L3MBTL4: variants seen among roughly 807,000 people sequenced by gnomAD.
L3MBTL4 encodes lethal(3)malignant brain tumor-like protein 4.
A neutral mutation model predicts 84.5 loss-of-function variants in L3MBTL4; 70 were observed. The ratio of observed to expected loss-of-function variants is 0.83; its 90% CI spans 0.68 to 1.01. L3MBTL4 has a LOEUF of 1.01. L3MBTL4 is among the 50% of genes least tolerant of loss of function. The pLI is 0.00. For synonymous variants in L3MBTL4, 274 were observed against 259.8 expected (o/e 1.05, Z -0.52); for missense variants, 715 against 754.8 (o/e 0.95, Z 0.62).
intron 13 of L3MBTL4, among the ~76,000 whole-genome samples, chr18:6,166,970 C>T (rs1321988320): frequency 1.3e-4 from 19 of 151,938 alleles, no homozygotes; most frequent in South Asian, 6.2e-4. Context: ...ATCAAATAGA[C>T]GCAATAAAAA....
chr18:6,390,445 C>G (rs1169180007), intron 1 of L3MBTL4, among the ~76,000 whole-genome samples: 1 of 151,780 alleles, frequency 6.6e-6, no homozygotes, highest in Non-Finnish European at 1.5e-5. Context: ...AAACTAAACT[C>G]AAAGCTAGCA....
chr18:6,324,150 T>G (rs2051585424), intron 1 of L3MBTL4, among the ~76,000 whole-genome samples: 1 of 152,322 alleles, frequency 6.6e-6, no homozygotes, highest in South Asian at 2.1e-4. Flanking sequence ...GTGCACAGAA[T>G]TGAGGCTCAG....
At chr18:6,152,819 T>G (rs1044460429) in intron 13 of L3MBTL4, among the ~76,000 whole-genome samples, 1 of 152,176 alleles carries the variant, frequency 6.6e-6, no homozygotes, top group African/African-American at 2.4e-5. Context: ...ACCAATGTCT[T>G]GATAAAGCTT....
intron 14 of L3MBTL4, among the ~76,000 whole-genome samples, chr18:6,132,527 A>G (rs1419623716): frequency 6.6e-6 from 1 of 152,168 alleles, no homozygotes; most frequent in Non-Finnish European, 1.5e-5. Flanking sequence ...TCTCCCTAAA[A>G]ATGCCCCATT....
chr18:6,126,024 T>G (rs1034779928), intron 14 of L3MBTL4, among the ~76,000 whole-genome samples: 14 of 152,200 alleles, frequency 9.2e-5, no homozygotes, highest in Non-Finnish European at 2.9e-5. Flanking sequence ...TCAGGAATTT[T>G]TAACAACATG....
intron 12 of L3MBTL4, among the ~76,000 whole-genome samples, chr18:6,195,528 A>G (rs1226824312): frequency 1.3e-5 from 2 of 152,226 alleles, no homozygotes; most frequent in African/African-American, 4.8e-5. Flanking sequence ...ATAGACTGGC[A>G]TAAGTTATTC....
intron 16 of L3MBTL4, among the ~76,000 whole-genome samples, chr18:5,980,241 G>A (rs1293097734): frequency 2.0e-5 from 3 of 152,182 alleles, no homozygotes; most frequent in South Asian, 2.1e-4. Flanking sequence ...GCACCCTGCA[G>A]ACAGCTCTTC....
intron 5 of L3MBTL4, among the ~76,000 whole-genome samples, chr18:6,247,367 C>T (rs996852850): frequency 6.6e-6 from 1 of 151,654 alleles, no homozygotes; most frequent in Non-Finnish European, 1.5e-5. Context: ...AGTTGACGAG[C>T]CTCTTCAGTC....
At chr18:6,294,869 A>C (rs1348770104) in intron 4 of L3MBTL4, among the ~76,000 whole-genome samples, 1 of 152,188 alleles carries the variant, frequency 6.6e-6, no homozygotes, top group Non-Finnish European at 1.5e-5. Flanking sequence ...GAAGGCGTTA[A>C]TAATCTGAAG....
At chr18:6,212,133 A>G (rs1301406369) in intron 12 of L3MBTL4, among the ~76,000 whole-genome samples, 2 of 152,208 alleles carry the variant, frequency 1.3e-5, no homozygotes, top group African/African-American at 2.4e-5. Flanking sequence ...ATGGTAAAAT[A>G]CCTATGTTAT....
intron 7 of L3MBTL4, among the ~76,000 whole-genome samples, chr18:6,242,182 C>T (rs2047478562): frequency 6.6e-6 from 1 of 152,160 alleles, no homozygotes; most frequent in South Asian, 2.1e-4. Context: ...GACCTTCCCA[C>T]CTGGGCGCTT....
chr18:6,163,284 T>G (rs2043449336), intron 13 of L3MBTL4, among the ~76,000 whole-genome samples: 2 of 120,378 alleles, frequency 1.7e-5, no homozygotes, highest in Non-Finnish European at 1.6e-5. Context: ...TGTGTGTGTG[T>G]GTGTGTGTGT....
intron 16 of L3MBTL4, among the ~76,000 whole-genome samples, chr18:6,011,204 CTA>C (rs1464820679): frequency 6.6e-6 from 1 of 152,138 alleles, no homozygotes; most frequent in Non-Finnish European, 1.5e-5. Flanking sequence ...AATTACCACT[CTA>C]TGTGTTTTTA....
At chr18:6,233,644 C>A (rs1283848699) in intron 10 of L3MBTL4, among the ~76,000 whole-genome samples, 1 of 151,894 alleles carries the variant, frequency 6.6e-6, no homozygotes, top group Admixed American at 6.6e-5. Context: ...GAACTACAAA[C>A]CACTGCTCAA....
intron 1 of L3MBTL4, among the ~76,000 whole-genome samples, chr18:6,316,470 G>A (rs2051105177): frequency 6.6e-6 from 1 of 152,204 alleles, no homozygotes; most frequent in African/African-American, 2.4e-5. Flanking sequence ...TGGTGCTCGT[G>A]AAGGGTCTTG....
intron 12 of L3MBTL4, among the ~76,000 whole-genome samples, chr18:6,206,022 G>A (rs1239186869): frequency 6.6e-6 from 1 of 152,214 alleles, no homozygotes; most frequent in Non-Finnish European, 1.5e-5. Context: ...CATTCTGACT[G>A]AAGGTCTGGG....
intron 1 of L3MBTL4, among the ~76,000 whole-genome samples, chr18:6,400,510 G>A (rs2055466225): frequency 6.6e-6 from 1 of 152,150 alleles, no homozygotes; most frequent in Non-Finnish European, 1.5e-5. Context: ...CCTGGGCTCA[G>A]ATGATCCTCC....
At chr18:6,089,284 G>T (rs1439261022) in intron 15 of L3MBTL4, among the ~76,000 whole-genome samples, 1 of 152,164 alleles carries the variant, frequency 6.6e-6, no homozygotes, top group East Asian at 1.9e-4. Flanking sequence ...ATAATAAAAC[G>T]TGCTCAAGAC....
intron 12 of L3MBTL4, among the ~76,000 whole-genome samples, chr18:6,196,186 C>A (rs1178802694): frequency 3.1e-5 from 4 of 129,042 alleles, no homozygotes; most frequent in African/African-American, 1.5e-4. Context: ...GAGACTGAGT[C>A]TCGCTCTGTT....
Sources: allele counts gnomAD v4.1 joint callset (sites outside exome capture counted in the v4.1 genomes callset), GRCh38; gene constraint gnomAD v4.1.1; transcripts MANE v1.5; gene names NCBI Gene and HGNC (gene_info 2026-07-23, HGNC 2026-07-21).